AATK: variants seen among roughly 807,000 people sequenced by gnomAD.
AATK encodes serine/threonine-protein kinase LMTK1.
Under a neutral mutation model 114.3 loss-of-function variants are expected in AATK, and 91 were observed. The ratio of observed to expected loss-of-function variants is 0.80; its 90% CI spans 0.67 to 0.95. AATK has a LOEUF of 0.95. Among genes scored for constraint, AATK ranks in the 40% least tolerant of loss-of-function variants. AATK has a pLI of 0.00. For missense variants in AATK, 2,176 were observed against 1,965.2 expected, an observed-to-expected ratio of 1.11 and a Z score of -2.03; for synonymous variants, 1,075 against 916.5, an observed-to-expected ratio of 1.17 and a Z score of -3.12.
At chr17:81,133,842 C>T (rs926954750) in intron 2 of AATK, among the ~76,000 whole-genome samples, 5 of 152,178 alleles carry the variant, frequency 3.3e-5, no homozygotes, top group African/African-American at 1.2e-4. Context: ...GCTCTAGCAT[C>T]ACACATCGTC....
chr17:81,160,913 C>T (rs1442560070), intron 1 of AATK, among the ~76,000 whole-genome samples: 1 of 152,220 alleles, frequency 6.6e-6, no homozygotes, highest in Non-Finnish European at 1.5e-5. Context: ...GACCCTCTGC[C>T]TCCCCCGTGG....
chr17:81,159,315 G>A (rs2146416227), intron 1 of AATK, among the ~76,000 whole-genome samples: 1 of 152,266 alleles, frequency 6.6e-6, no homozygotes, highest in African/African-American at 2.4e-5. Flanking sequence ...CCCCAACATG[G>A]GGCAGCTGGG....
chr17:81,151,001 C>T (rs557987501), intron 1 of AATK, among the ~76,000 whole-genome samples: 1 of 152,276 alleles, frequency 6.6e-6, no homozygotes, highest in South Asian at 2.1e-4. Context: ...AATACCCCTA[C>T]CTCTCAGTTG....
rs1318770591 is a variant in AATK at position 81,119,815 on chromosome 17, C to T, written c.3883+121G>A. Reference sequence around the variant, plus strand: ...TGACGACACGGGCCAAAGCCCGCCTCCCACGCGTCAAGGACCAGGTGCTCC... The same window carrying T: ...TGACGACACGGGCCAAAGCCCGCCTTCCACGCGTCAAGGACCAGGTGCTCC... On this transcript the variant is annotated intron_variant, in intron 12 of 13. Transcript: ENST00000326724. 4 of 1,349,764 alleles carry T rather than the reference C, an allele frequency of 3.0e-6. No homozygotes were observed. In the African/African-American group the frequency reaches 4.7e-5, roughly 16 times the overall value. 83.6% of individuals were successfully genotyped at this position (1,349,764 alleles called of 1,614,324 possible). A position where few individuals can be genotyped will look rare whatever the true frequency, so the allele number is the denominator to read the frequency against.
intron 1 of AATK, among the ~76,000 whole-genome samples, chr17:81,138,818 CCA>C (rs766845465): frequency 2.1e-5 from 3 of 146,328 alleles, no homozygotes; most frequent in South Asian, 4.4e-4. Context: ...GCGTGCACAC[CCA>C]CGTGAGCGCA....
Position 81,120,532 on chromosome 17 carries a change from C to G in AATK, c.3404G>C (p.Gly1135Ala). The change falls in exon 11 of 14, where the codon GGC becomes GCC. Residue 1135 changes from glycine (G) to alanine (A), a missense_variant. This residue lies in a region of AATK where 1,701 missense variants were observed against 1,394.7 expected (regional missense o/e 1.22). Coordinates refer to ENST00000326724, the MANE Select transcript of AATK (RefSeq NM_001080395.3). Reference sequence around the variant, plus strand: ...GAGTGGGGCTCTGGGGGTGCCTGGGCCCCCCATCCGCTTTTGTGGGGCCGG... The same window carrying G: ...GAGTGGGGCTCTGGGGGTGCCTGGGGCCCCCATCCGCTTTTGTGGGGCCGG... ...SGPAPQKRMG[G>A]PGTPRAPLRL... The G allele has an allele frequency of 6.7e-7, 1 of 1,483,646 alleles. No homozygotes were observed. The highest frequency in any genetic ancestry group is 9.0e-7 in the Non-Finnish European group (1 of 1,116,240). 91.9% of individuals were successfully genotyped at this position (1,483,646 alleles called of 1,614,324 possible).
At chr17:81,125,094 G>A in intron 7 of AATK, 80 bp from the exon 8 acceptor site, 2 of 939,306 alleles carry the variant, frequency 2.1e-6, no homozygotes, top group Non-Finnish European at 3.2e-6. Flanking sequence ...GAGGGTCAGT[G>A]GGGTGTGCCG....
rs746325044 is a variant in AATK at position 81,121,278 on chromosome 17, C to T, written c.2658G>A (p.Val886=). The change falls in exon 11 of 14, where the codon GTG becomes GTA. Residue 886 remains valine, a synonymous_variant. Coordinates refer to ENST00000326724, the MANE Select transcript of AATK (RefSeq NM_001080395.3). ...SDGLQARRPD[V]VPAFRSLQKQ... is the part of the protein sequence containing the mutation. ...TCTGCAGAGAGCGGAAGGCTGGCAC[C>T]ACATCCGGCCTCCTGGCCTGCAGGC... 2.5e-6 allele frequency: 4 copies of T among 1,611,350 alleles called. No individual in the cohort carries two copies. The highest frequency in any genetic ancestry group is 2.2e-5 in the East Asian group (1 of 44,850).
intron 1 of AATK, among the ~76,000 whole-genome samples, chr17:81,137,829 A>G (rs2061037181): frequency 6.6e-6 from 1 of 152,050 alleles, no homozygotes; most frequent in African/African-American, 2.4e-5. Flanking sequence ...ACAGACATGC[A>G]CACACACATA....
intron 10 of AATK, 121 bp from the exon 11 acceptor site, chr17:81,122,944 CTTAA>C (rs1369227851): frequency 9.1e-5 from 94 of 1,032,156 alleles, no homozygotes; most frequent in Admixed American, 4.7e-4. Context: ...GTATCTCCCA[CTTAA>C]TTGACACCCC....
chr17:81,123,157 G>T (rs367932959), intron 10 of AATK, 37 bp downstream of exon 10: 12 of 1,405,190 alleles, frequency 8.5e-6, no homozygotes, highest in Non-Finnish European at 1.0e-5. Flanking sequence ...ACCCCATCTC[G>T]GCCTGGCTGT....
intron 9 of AATK, among the ~76,000 whole-genome samples, chr17:81,124,403 A>G (rs2060763118): frequency 6.6e-6 from 1 of 152,152 alleles, no homozygotes; most frequent in Non-Finnish European, 1.5e-5. Flanking sequence ...AAGGCAGCCA[A>G]CACCCCACCC....
intron 13 of AATK, 118 bp from the exon 14 acceptor site, chr17:81,118,560 G>A: frequency 2.9e-6 from 3 of 1,041,756 alleles, no homozygotes; most frequent in Non-Finnish European, 4.3e-6. Context: ...CTTCCCTGCA[G>A]CAGATCTGGC....
In AATK at chr17:81,120,285, CAGCAGGCTGGGCATCTTG is replaced by C; in HGVS notation, c.3633_3650del (p.Lys1212_Leu1217del). 2 of 1,608,860 alleles carry C rather than the reference CAGCAGGCTGGGCATCTTG, an allele frequency of 1.2e-6. No homozygotes were observed. The highest frequency in any genetic ancestry group is 1.7e-6 in the Non-Finnish European group (2 of 1,177,626). On this transcript the variant is annotated inframe_deletion, in exon 11 of 14. Transcript: ENST00000326724. ...CCAGGTCCTCGCAGAAGGTCTCGGA[CAGCAGGCTGGGCATCTTG>C]AGCAGGCTGCGCAGGTTGCGCGCGC...
Position 81,122,266 on chromosome 17 carries a change from G to A in AATK, c.1670C>T (p.Thr557Ile). 6 of 1,495,718 alleles carry A rather than the reference G, an allele frequency of 4.0e-6. No individual in the cohort carries two copies. The highest frequency in any genetic ancestry group is 1.4e-5 in the African/African-American group (1 of 70,086). The allele number at this position is 1,495,718 out of a possible 1,614,324, so 92.7% of individuals were successfully genotyped here. The part of the protein sequence containing the change: ...CAGCAPSPPA[T>I]ADQDDDSDGS... ...GTCAGAGTCGTCGTCCTGGTCCGCG[G>A]TGGCAGGTGGACTGGGGGCGCAGCC... is the stretch of plus-strand genomic sequence containing the variant. The change falls in exon 11 of 14, where the codon ACC becomes ATC. Residue 557 changes from threonine to isoleucine, a missense_variant. Around this residue, in one of 4 missense-constraint regions of AATK, gnomAD observed 1,701 missense variants for 1,394.7 expected, o/e 1.22. Transcript: ENST00000326724.
rs2060835764 is a variant in AATK at position 81,126,828 on chromosome 17, G to C, written c.622-268C>G. Reference sequence around the variant, plus strand: ...CAGGAGTCCCTTGGCCTGTGGTAGAGAGAGAAACACAGGGCCCAAGTGGAT... The same window carrying C: ...CAGGAGTCCCTTGGCCTGTGGTAGACAGAGAAACACAGGGCCCAAGTGGAT... On this transcript the variant is annotated intron_variant, in intron 6 of 13. Transcript: ENST00000326724. The surrounding 1 kb of genome is among the most constrained non-coding windows in gnomAD (Gnocchi z 5.1). 2 of 1,308,594 alleles carry C rather than the reference G, an allele frequency of 1.5e-6. No homozygotes were observed. The highest frequency in any genetic ancestry group is 1.9e-6 in the Non-Finnish European group (2 of 1,026,970). The allele number at this position is 1,308,594 out of a possible 1,614,324, so 81.1% of individuals were successfully genotyped here. A position where few individuals can be genotyped will look rare whatever the true frequency, so the allele number is the denominator to read the frequency against.
chr17:81,139,286 T>C (rs1329590107), intron 1 of AATK, among the ~76,000 whole-genome samples: 5 of 152,246 alleles, frequency 3.3e-5, no homozygotes, highest in African/African-American at 1.2e-4. Context: ...GCCCCACTTA[T>C]CTCCTTGGGA....
chr17:81,165,907 C>CG (rs2061484699), intron 1 of AATK, 31 bp downstream of exon 1: 1 of 1,562,900 alleles, frequency 6.4e-7, no homozygotes, highest in African/African-American at 1.4e-5. Context: ...AGGGAGGCAG[C>CG]GGCGCGCAGG....
intron 2 of AATK, among the ~76,000 whole-genome samples, chr17:81,131,720 G>A (rs1346689677): frequency 5.9e-5 from 9 of 152,010 alleles, no homozygotes; most frequent in Admixed American, 4.6e-4. Flanking sequence ...CCCTCACCCC[G>A]GGCTGTGCCT....
Sources: allele counts gnomAD v4.1 joint callset (sites outside exome capture counted in the v4.1 genomes callset), GRCh38; gene constraint gnomAD v4.1.1; regional missense constraint gnomAD v4.1.1; non-coding constraint Gnocchi (gnomAD v3.1); transcripts MANE v1.5; gene names NCBI Gene and HGNC (gene_info 2026-07-23, HGNC 2026-07-21).